Variants in CNTNAP5 observed in about 807,000 individuals in gnomAD.
CNTNAP5 encodes the protein contactin-associated protein-like 5.
In CNTNAP5, 72 loss-of-function variants were observed where a neutral mutation model predicts 150.2. That is an observed-to-expected ratio of 0.48 (90% CI 0.40 to 0.58). CNTNAP5 has a LOEUF of 0.58. Among genes scored for constraint, CNTNAP5 ranks in the 20% least tolerant of loss-of-function variants. The pLI, the probability that CNTNAP5 is intolerant of heterozygous loss-of-function variation, is 0.00. For synonymous variants in CNTNAP5, 672 were observed against 619.8 expected (o/e 1.08, Z -1.25); for missense variants, 1,636 against 1,626.2 (o/e 1.01, Z -0.10).
At chr2:124,808,716 G>A (rs1292541370) in intron 19 of CNTNAP5, among the ~76,000 whole-genome samples, 1 of 152,128 alleles carries the variant, frequency 6.6e-6, no homozygotes, top group Admixed American at 6.6e-5. Flanking sequence ...GTGGGAAATT[G>A]GAGAGCAGAT....
chr2:124,790,106 C>A lies in CNTNAP5; in HGVS notation c.2957C>A (p.Thr986Asn), dbSNP rs1198991230. ...EKHNGYLCDCTNSPYEGPFCK... is the reference protein window; with the variant it reads ...EKHNGYLCDCNNSPYEGPFCK... The stretch of plus-strand genomic sequence containing the variant: ...CACAATGGCTACCTGTGTGATTGCA[C>A]CAATTCACCTTATGAAGGGCCCTTT... The change falls in exon 18 of 24, where the codon ACC becomes AAC. Residue 986 changes from threonine to asparagine, a missense_variant. Physicochemically the swap from Thr to Asn is moderately conservative, Grantham distance 65. Coordinates refer to ENST00000682447, the MANE Select transcript of CNTNAP5 (RefSeq NM_001367498.1). 2 of 1,613,850 alleles carry A rather than the reference C, an allele frequency of 1.2e-6. No individual in the cohort carries two copies. The highest frequency in any genetic ancestry group is 2.2e-5 in the South Asian group (2 of 91,070).
At chr2:124,518,823 C>T (rs942971000) in intron 8 of CNTNAP5, among the ~76,000 whole-genome samples, 1 of 151,658 alleles carries the variant, frequency 6.6e-6, no homozygotes, top group African/African-American at 2.4e-5. Flanking sequence ...CCCATCTCTA[C>T]TAAAAATACA....
intron 19 of CNTNAP5, among the ~76,000 whole-genome samples, chr2:124,831,521 C>A (rs1056548739): frequency 2.0e-5 from 3 of 150,852 alleles, no homozygotes; most frequent in Admixed American, 6.6e-5. Flanking sequence ...CATCAAAAAA[C>A]CATATTTTTG....
intron 17 of CNTNAP5, among the ~76,000 whole-genome samples, chr2:124,777,845 T>C (rs1353191817): frequency 1.3e-5 from 2 of 150,558 alleles, no homozygotes; most frequent in Admixed American, 6.7e-5. Context: ...ACTGTCTTTT[T>C]TAAAGGAGAA....
intron 22 of CNTNAP5, among the ~76,000 whole-genome samples, chr2:124,903,417 C>T (rs1410203189): frequency 2.0e-5 from 3 of 151,622 alleles, no homozygotes; most frequent in Non-Finnish European, 4.4e-5. Context: ...GATACTGCTC[C>T]GAGAATTGAG....
intron 1 of CNTNAP5, among the ~76,000 whole-genome samples, chr2:124,156,586 T>C (rs1026894610): frequency 2.0e-5 from 3 of 152,130 alleles, no homozygotes; most frequent in African/African-American, 7.2e-5. Context: ...ACCTCCGCTT[T>C]CCAGGTTCAC....
intron 21 of CNTNAP5, among the ~76,000 whole-genome samples, chr2:124,879,908 C>T (rs571886225): frequency 2.0e-5 from 3 of 152,154 alleles, no homozygotes; most frequent in South Asian, 2.1e-4. Flanking sequence ...CTCCCTGCGG[C>T]GGCCTTATAG....
intron 19 of CNTNAP5, among the ~76,000 whole-genome samples, chr2:124,806,450 G>T (rs1032650808): frequency 1.3e-5 from 2 of 152,148 alleles, no homozygotes; most frequent in Admixed American, 1.3e-4. Context: ...CCTGCCACCT[G>T]TGATGTATGT....
chr2:124,260,459 A>G (rs974463024), intron 3 of CNTNAP5, among the ~76,000 whole-genome samples: 4 of 152,358 alleles, frequency 2.6e-5, no homozygotes, highest in African/African-American at 9.6e-5. Context: ...AGGAATGGGC[A>G]AGGACTTCAT....
At chr2:124,142,548 A>G (rs555949192) in intron 1 of CNTNAP5, among the ~76,000 whole-genome samples, 162 of 139,970 alleles carry the variant, frequency 1.2e-3, no homozygotes, top group African/African-American at 4.2e-3. Context: ...TACTGGATAC[A>G]TAACGAAATG....
chr2:124,649,821 G>A (rs574454784), intron 13 of CNTNAP5, among the ~76,000 whole-genome samples: 1 of 152,240 alleles, frequency 6.6e-6, no homozygotes, highest in East Asian at 1.9e-4. Flanking sequence ...GCTATGCCTG[G>A]TACATAATAG....
At chr2:124,620,981 A>C (rs940657915) in intron 12 of CNTNAP5, among the ~76,000 whole-genome samples, 3 of 152,122 alleles carry the variant, frequency 2.0e-5, no homozygotes, top group African/African-American at 4.8e-5. Flanking sequence ...AGGCACCATG[A>C]GATTTCAGAG....
chr2:124,251,583 A>G (rs1687180744), intron 3 of CNTNAP5, among the ~76,000 whole-genome samples: 1 of 151,926 alleles, frequency 6.6e-6, no homozygotes, highest in Non-Finnish European at 1.5e-5. Context: ...GGTATCAAGC[A>G]TCTGTTAGGC....
At chr2:124,432,341 T>C (rs1313983559) in intron 4 of CNTNAP5, among the ~76,000 whole-genome samples, 1 of 152,178 alleles carries the variant, frequency 6.6e-6, no homozygotes, top group African/African-American at 2.4e-5. Flanking sequence ...AGTACTGAGA[T>C]GCACCAAACA....
intron 13 of CNTNAP5, among the ~76,000 whole-genome samples, chr2:124,715,802 A>G (rs971222950): frequency 3.3e-5 from 5 of 152,166 alleles, no homozygotes; most frequent in South Asian, 2.1e-4. Context: ...GAGATTGGAT[A>G]TGGGGGAACA....
intron 3 of CNTNAP5, among the ~76,000 whole-genome samples, chr2:124,381,997 G>A (rs996938227): frequency 5.3e-5 from 8 of 152,186 alleles, no homozygotes; most frequent in African/African-American, 1.9e-4. Flanking sequence ...ACAAGGGGAA[G>A]TGAAATCTAG....
chr2:124,595,019 A>G (rs2104964939), intron 11 of CNTNAP5, among the ~76,000 whole-genome samples: 1 of 138,472 alleles, frequency 7.2e-6, no homozygotes, highest in African/African-American at 2.7e-5. Context: ...GTTGCTTATC[A>G]GCTTAAGGAG....
chr2:124,183,475 A>G (rs1685256146), intron 1 of CNTNAP5, among the ~76,000 whole-genome samples: 2 of 152,226 alleles, frequency 1.3e-5, no homozygotes, highest in Admixed American at 1.3e-4. Context: ...AATGTGTCAC[A>G]ATCCAGTGGA....
At chr2:124,642,072 T>C (rs1678104744) in intron 12 of CNTNAP5, among the ~76,000 whole-genome samples, 1 of 152,188 alleles carries the variant, frequency 6.6e-6, no homozygotes, top group African/African-American at 2.4e-5. Flanking sequence ...TGGCTCTGTA[T>C]GTAAACTGTT....
Sources: allele counts gnomAD v4.1 joint callset (sites outside exome capture counted in the v4.1 genomes callset), GRCh38; gene constraint gnomAD v4.1.1; transcripts MANE v1.5; gene names NCBI Gene and HGNC (gene_info 2026-07-23, HGNC 2026-07-21).